The following COL15A1 variants were observed in gnomAD, a reference collection of about 807,000 sequenced individuals.
The protein encoded by COL15A1 is collagen type XV alpha 1 chain, also known as collagen alpha-1(XV) chain.
Under a neutral mutation model 165.9 loss-of-function variants are expected in COL15A1, and 111 were observed. That is an observed-to-expected ratio of 0.67 (90% confidence interval 0.57 to 0.78). COL15A1 has a LOEUF of 0.78. Ranked by LOEUF, COL15A1 falls within the 30% of genes least tolerant of loss-of-function variation. The probability of loss-of-function intolerance (pLI) is 0.00; values close to 1 mark genes in which losing one functional copy is unlikely to be tolerated. For missense variants in COL15A1, 1,745 were observed against 1,789.7 expected, an observed-to-expected ratio of 0.98 and a Z score of 0.45; for synonymous variants, 659 against 674.8, an observed-to-expected ratio of 0.98 and a Z score of 0.36.
At chr9:98,968,435 T>C (rs1837991701) in intron 2 of COL15A1, among the ~76,000 whole-genome samples, 4 of 152,200 alleles carry the variant, frequency 2.6e-5, no homozygotes, top group Admixed American at 2.6e-4. Context: ...TCCTTGCCAC[T>C]TTCAGCTTCT....
chr9:98,967,866 C>T (rs902820688), intron 2 of COL15A1, among the ~76,000 whole-genome samples: 4 of 152,224 alleles, frequency 2.6e-5, no homozygotes, highest in African/African-American at 7.2e-5. Context: ...CTAGGGTGTG[C>T]ATCAGAGACA....
chr9:99,011,406 G>GGAAAA (rs1232003586), intron 9 of COL15A1, among the ~76,000 whole-genome samples: 2 of 46,862 alleles, frequency 4.3e-5, no homozygotes, highest in East Asian at 9.3e-4. Flanking sequence ...CCCTCTTTCT[G>GGAAAA]AAAAAAAAAA....
intron 9 of COL15A1, among the ~76,000 whole-genome samples, chr9:99,012,128 C>A (rs777391353): frequency 5.3e-5 from 8 of 152,158 alleles, no homozygotes; most frequent in Non-Finnish European, 1.0e-4. Context: ...TGTATGCTGG[C>A]AATTCTTAAG....
intron 9 of COL15A1, among the ~76,000 whole-genome samples, chr9:99,012,703 C>A (rs929630136): frequency 2.0e-5 from 2 of 99,742 alleles, no homozygotes; most frequent in South Asian, 4.1e-4. Flanking sequence ...GTTTCCCACC[C>A]TTTTTTTTTT....
intron 9 of COL15A1, among the ~76,000 whole-genome samples, chr9:99,009,123 A>G (rs1446580380): frequency 1.3e-5 from 2 of 152,238 alleles, no homozygotes; most frequent in African/African-American, 2.4e-5. Flanking sequence ...TTCTAACATT[A>G]CAATCTTCAA....
At chr9:99,043,507 TG>T (rs1259785021) in intron 24 of COL15A1, among the ~76,000 whole-genome samples, 3 of 152,224 alleles carry the variant, frequency 2.0e-5, no homozygotes, top group Admixed American at 6.5e-5. Flanking sequence ...CGGGCAGTTC[TG>T]CTCTGGCCAT....
At chr9:98,947,864 T>C (rs1837610218) in intron 2 of COL15A1, among the ~76,000 whole-genome samples, 1 of 152,146 alleles carries the variant, frequency 6.6e-6, no homozygotes, top group Non-Finnish European at 1.5e-5. Context: ...AACTTCCTGA[T>C]ATCCTGCACG....
At chr9:98,976,960 G>A (rs1838151530) in intron 2 of COL15A1, among the ~76,000 whole-genome samples, 1 of 152,078 alleles carries the variant, frequency 6.6e-6, no homozygotes, top group Non-Finnish European at 1.5e-5. Flanking sequence ...TCAAGTGGAG[G>A]GAACAGCATA....
chr9:99,019,023 G>A (rs902568352), intron 11 of COL15A1, among the ~76,000 whole-genome samples: 3 of 152,322 alleles, frequency 2.0e-5, no homozygotes, highest in East Asian at 3.9e-4. Flanking sequence ...TAGAATGAGA[G>A]AGAGAAACGG....
Position 99,069,993 on chromosome 9 carries a change from T to TA in COL15A1, c.*108dup. On this transcript the variant is annotated 3_prime_UTR_variant, in exon 42 of 42. Transcript: ENST00000375001. ...TGTAAATATTACAGTTTTTTTTTTT[T>TA]ACTACATATTCTTTACAACAGCAAC... The TA allele has an allele frequency of 1.1e-6, 1 of 934,046 alleles. No individual in the cohort carries two copies. Among genetic ancestry groups the TA allele is most frequent in the Non-Finnish European group, 1.6e-6 (1 of 638,784 alleles). The allele number at this position is 934,046 out of a possible 1,614,324, so 57.9% of individuals were successfully genotyped here.
Position 99,035,395 on chromosome 9 carries a change from C to T in COL15A1, c.2266C>T (p.Leu756Phe), listed in dbSNP as rs1839283774. The T allele has an allele frequency of 1.2e-6, 2 of 1,614,194 alleles. No homozygotes were observed. The highest frequency in any genetic ancestry group is 1.3e-5 in the African/African-American group (1 of 75,050). The stretch of plus-strand genomic sequence containing the variant: ...CACCCAGCTATTGAATGAACCCAAA[C>T]TCTCCAGACCAACGGCTGCAATTGT... ...GSTQLLNEPK[L>F]SRPTAAIGLK... is the part of the protein sequence containing the mutation. The change falls in exon 19 of 42, where the codon CTC becomes TTC. Residue 756 changes from leucine to phenylalanine, a missense_variant. Coordinates refer to ENST00000375001, the MANE Select transcript of COL15A1 (RefSeq NM_001855.5).
chr9:99,046,634 C>G (rs1463903529), intron 26 of COL15A1, among the ~76,000 whole-genome samples: 4 of 152,308 alleles, frequency 2.6e-5, no homozygotes, highest in Middle Eastern at 3.4e-3. Context: ...ATGCCAGACA[C>G]TTACAAAACC....
Position 99,067,066 on chromosome 9 carries a change from A to G in COL15A1, c.3836A>G (p.Lys1279Arg), listed in dbSNP as rs866289687. The G allele has an allele frequency of 3.1e-6, 5 of 1,611,862 alleles. No homozygotes were observed. The African/African-American group carries it at 4.0e-5, about 13-fold the overall frequency. The change falls in exon 40 of 42, where the codon AAG becomes AGG. Residue 1279 changes from lysine (K) to arginine (R), a missense_variant and splice_region_variant. Transcript: ENST00000375001. ...ERYSLPIVNLKGQVLFNNWDS... is the reference protein window; with the variant it reads ...ERYSLPIVNLRGQVLFNNWDS... ...TACAGCCTTCCCATAGTGAACCTCA[A>G]GGTAAAAATAAATATGGTTCCCATT... is the stretch of plus-strand genomic sequence containing the variant.
At position 99,055,308 on chromosome 9, in the gene COL15A1, G is replaced by T; in HGVS notation, c.3128G>T (p.Gly1043Val). ...TTCAAAGGTGAAAAAGGAGAAAAAG[G>T]AGACATTAATGGCAGCTTCCTTATG... is the stretch of plus-strand genomic sequence containing the variant. ...KGFKGEKGEK[G>V]DINGSFLMSG... Residue 1043 changes from glycine (G) to valine (V), a missense_variant, in exon 34 of 42, where the codon GGA becomes GTA. Coordinates refer to ENST00000375001, the MANE Select transcript of COL15A1 (RefSeq NM_001855.5). 1.2e-6 allele frequency: 2 copies of T among 1,614,068 alleles called. No homozygotes were observed. The highest frequency in any genetic ancestry group is 1.3e-5 in the African/African-American group (1 of 75,038).
At position 99,036,481 on chromosome 9, in the gene COL15A1, T is replaced by C; in HGVS notation, c.2409+85T>C. 1.4e-6 allele frequency: 2 copies of C among 1,445,184 alleles called. 1 individual carries two copies. The allele number at this position is 1,445,184 out of a possible 1,614,324, so 89.5% of individuals were successfully genotyped here. On this transcript the variant is annotated intron_variant, in intron 21 of 41. Coordinates refer to ENST00000375001, the MANE Select transcript of COL15A1 (RefSeq NM_001855.5). Reference sequence around the variant, plus strand: ...GAAGGTTGTCCATGACTTCAAAGCTTCTGGCTATGCAGGAGGCATGTAGCC... The same window carrying C: ...GAAGGTTGTCCATGACTTCAAAGCTCCTGGCTATGCAGGAGGCATGTAGCC...
chr9:99,060,688 C>G (rs1417322015), intron 36 of COL15A1, among the ~76,000 whole-genome samples: 1 of 152,074 alleles, frequency 6.6e-6, no homozygotes, highest in Non-Finnish European at 1.5e-5. Context: ...GAGTTCAAGA[C>G]TAGCCTGGGC....
chr9:98,982,409 A>G (rs955141332), intron 2 of COL15A1, among the ~76,000 whole-genome samples: 1 of 152,230 alleles, frequency 6.6e-6, no homozygotes, highest in Non-Finnish European at 1.5e-5. Flanking sequence ...TACATTTATG[A>G]CACATCTCAG....
At chr9:99,050,156 C>T (rs931474327) in intron 30 of COL15A1, among the ~76,000 whole-genome samples, 6 of 152,146 alleles carry the variant, frequency 3.9e-5, no homozygotes, top group African/African-American at 1.2e-4. Context: ...TTTGTTATTG[C>T]GACCACATTA....
Position 99,024,268 on chromosome 9 carries a change from G to GTTTTTTTTTTT in COL15A1, c.1855-598_1855-597insTTTTTTTTTTT, listed in dbSNP as rs201734908. ...TAAAAACAAGGCTACACCACAAGCA[G>GTTTTTTTTTTT]TTTTTTTTGTTTTTTTGTTTTTTTT... is the stretch of plus-strand genomic sequence containing the variant. On this transcript the variant is annotated intron_variant, in intron 14 of 41. Transcript: ENST00000375001. 7.8e-4 allele frequency among the ~76,000 whole-genome samples: 102 copies of GTTTTTTTTTTT among 131,448 alleles called. 3 individuals carry two copies. The highest frequency in any genetic ancestry group is 2.3e-3 in the East Asian group (10 of 4,378). 86.2% of individuals were successfully genotyped at this position (131,448 alleles called of 152,430 possible).
Sources: gnomAD v4.1 joint callset for allele counts (sites outside exome capture counted in the v4.1 genomes callset) on GRCh38, gnomAD v4.1.1 for gene constraint, MANE v1.5 for transcripts, NCBI Gene and HGNC (gene_info 2026-07-23, HGNC 2026-07-21) for gene names.